Variants in SIRT4 observed in about 807,000 individuals in gnomAD.
SIRT4 encodes NAD-dependent protein lipoamidase sirtuin-4, mitochondrial.
A neutral mutation model predicts 26.1 loss-of-function variants in SIRT4; 23 were observed. The ratio of observed to expected loss-of-function variants is 0.88; its 90% CI spans 0.63 to 1.25. The LOEUF (loss-of-function observed/expected upper bound fraction) is 1.25, where lower values mean the gene tolerates loss of function less well. Ranked by LOEUF, SIRT4 falls within the 50% of genes most tolerant of loss-of-function variation. SIRT4 has a pLI of 0.00. For synonymous variants in SIRT4, 155 were observed against 158.4 expected, an observed-to-expected ratio of 0.98 and a Z score of 0.16; for missense variants, 361 against 405.4, an observed-to-expected ratio of 0.89 and a Z score of 0.94.
chr12:120,309,673 A>T (rs1363713373), intron 2 of SIRT4, among the ~76,000 whole-genome samples: 2 of 150,112 alleles, frequency 1.3e-5, no homozygotes, highest in African/African-American at 4.9e-5. Context: ...TTGGCCTCCC[A>T]AAGTGCTGGG....
At chr12:120,293,653 G>A in the SIRT4 span, among the ~76,000 whole-genome samples, 6 of 151,930 alleles carry the variant, frequency 3.9e-5, no homozygotes, top group African/African-American at 1.5e-4. Context: ...TTAACCTTAA[G>A]TGTAAATTCA....
intron 2 of SIRT4, among the ~76,000 whole-genome samples, chr12:120,308,049 A>T (rs1227072176): frequency 2.0e-5 from 3 of 151,532 alleles, no homozygotes; most frequent in African/African-American, 7.3e-5. Flanking sequence ...TAGAGACAGG[A>T]TCTTGCTGTG....
chr12:120,311,794 G>C (rs1405355957), intron 2 of SIRT4, among the ~76,000 whole-genome samples: 1 of 147,926 alleles, frequency 6.8e-6, no homozygotes, highest in Non-Finnish European at 1.5e-5. Context: ...GAGACACTGT[G>C]TCCTGGAAAC....
At chr12:120,292,304 A>G in the SIRT4 span, among the ~76,000 whole-genome samples, 1 of 152,132 alleles carries the variant, frequency 6.6e-6, no homozygotes, top group African/African-American at 2.4e-5. Flanking sequence ...CTGTGACAAA[A>G]TCTGAATGGA....
upstream of SIRT4, among the ~76,000 whole-genome samples, chr12:120,301,068 T>C (rs992050216): frequency 7.2e-5 from 11 of 152,198 alleles, no homozygotes; most frequent in South Asian, 2.1e-4. Context: ...CACTTTTGGC[T>C]GGGCACAGTG....
intron 2 of SIRT4, among the ~76,000 whole-genome samples, chr12:120,309,662 C>T (rs1436397610): frequency 6.6e-6 from 1 of 151,304 alleles, no homozygotes; most frequent in Non-Finnish European, 1.5e-5. Flanking sequence ...ATCTGCCTGC[C>T]TTGGCCTCCC....
chr12:120,292,924 A>G, the SIRT4 span, among the ~76,000 whole-genome samples: 4 of 152,188 alleles, frequency 2.6e-5, no homozygotes, highest in East Asian at 3.8e-4. Context: ...ACTTTCATAA[A>G]CGCAAATCAC....
At chr12:120,304,269 GTGGGTTACTGCCT>G (rs1872657116) in intron 2 of SIRT4, among the ~76,000 whole-genome samples, 2 of 152,220 alleles carry the variant, frequency 1.3e-5, no homozygotes, top group African/African-American at 4.8e-5. Flanking sequence ...GTGTTAATGA[GTGGGTTACTGCCT>G]TGGGCACTGG....
At chr12:120,293,240 T>G in the SIRT4 span, 41 of 152,164 alleles carry the variant, frequency 2.7e-4, no homozygotes, top group African/African-American at 9.2e-4. Flanking sequence ...GCAAAGCTAA[T>G]TTGTTACGCC....
chr12:120,309,434 CAG>C (rs2136839467), intron 2 of SIRT4, among the ~76,000 whole-genome samples: 1 of 136,930 alleles, frequency 7.3e-6, no homozygotes, highest in Non-Finnish European at 1.5e-5. Context: ...TTTTTTGAGA[CAG>C]AGTCTCACTC....
chr12:120,297,526 A>C (rs1592891598), upstream of SIRT4, among the ~76,000 whole-genome samples: 2 of 151,764 alleles, frequency 1.3e-5, no homozygotes, highest in Admixed American at 1.3e-4. Context: ...CAAAGCATAC[A>C]AAAATTAAAA....
rs1266296719 is a variant in SIRT4, at chr12:120,304,829, ATATATATTTTTTTT to A, written c.497+773_497+786del. Among the ~76,000 whole-genome samples, 19 of 31,192 alleles carry A rather than the reference ATATATATTTTTTTT, an allele frequency of 6.1e-4. 1 individual carries two copies. The highest frequency in any genetic ancestry group is 2.0e-3 in the Admixed American group (5 of 2,496). The allele number at this position is 31,192 out of a possible 152,430, so 20.5% of individuals were successfully genotyped here. A position where few individuals can be genotyped will look rare whatever the true frequency, so the allele number is the denominator to read the frequency against. ...TATATATATATATATATATATATAT[ATATATATTTTTTTT>A]TTTTTTTTTTTTTTTTAAAGAAAGT... On this transcript the variant is annotated intron_variant, in intron 2 of 3. Coordinates refer to ENST00000202967, the MANE Select transcript of SIRT4 (RefSeq NM_012240.3).
chr12:120,293,556 C>T, the SIRT4 span, among the ~76,000 whole-genome samples: 1 of 152,196 alleles, frequency 6.6e-6, no homozygotes, highest in Non-Finnish European at 1.5e-5. Flanking sequence ...GTGTAACAGA[C>T]TTCTCCAAAG....
At chr12:120,293,551 A>G in the SIRT4 span, among the ~76,000 whole-genome samples, 1 of 152,220 alleles carries the variant, frequency 6.6e-6, no homozygotes, top group African/African-American at 2.4e-5. Context: ...ATTCAGTGTA[A>G]CAGACTTCTC....
chr12:120,295,945 G>T, the SIRT4 span, among the ~76,000 whole-genome samples: 1 of 151,250 alleles, frequency 6.6e-6, no homozygotes, highest in African/African-American at 2.4e-5. Flanking sequence ...AAATTAACGG[G>T]GCGTGGTGGC....
chr12:120,306,336 G>A (rs1229150613), intron 2 of SIRT4, among the ~76,000 whole-genome samples: 7 of 151,972 alleles, frequency 4.6e-5, no homozygotes, highest in African/African-American at 9.6e-5. Context: ...TTAGCTGGGC[G>A]TGGTGGTGCA....
chr12:120,308,367 C>T (rs1160433403), intron 2 of SIRT4, among the ~76,000 whole-genome samples: 2 of 151,790 alleles, frequency 1.3e-5, no homozygotes, highest in African/African-American at 4.8e-5. Flanking sequence ...GGTAGGGTTT[C>T]ATCATGTTGG....
chr12:120,292,048 G>C, the SIRT4 span: 1 of 152,210 alleles, frequency 6.6e-6, no homozygotes. Flanking sequence ...GAGGTTTCTT[G>C]TTGTTGGAAC....
chr12:120,293,147 T>TA, the SIRT4 span: 2 of 152,196 alleles, frequency 1.3e-5, no homozygotes, highest in Non-Finnish European at 2.9e-5. Context: ...TTGCAAGTCG[T>TA]CACGGCGGGG....
Sources: gnomAD v4.1 joint callset for allele counts (sites outside exome capture counted in the v4.1 genomes callset) on GRCh38, gnomAD v4.1.1 for gene constraint, MANE v1.5 for transcripts, NCBI Gene and HGNC (gene_info 2026-07-23, HGNC 2026-07-21) for gene names.